CDC42BPA: variants seen among roughly 807,000 people sequenced by gnomAD.
CDC42BPA encodes CDC42 binding protein kinase alpha, also known as serine/threonine-protein kinase MRCK alpha.
A neutral mutation model predicts 223.5 loss-of-function variants in CDC42BPA; 80 were observed. The ratio of observed to expected loss-of-function variants is 0.36; its 90% CI spans 0.30 to 0.43. CDC42BPA has a LOEUF of 0.43. CDC42BPA is among the 20% of genes least tolerant of loss of function. The probability of loss-of-function intolerance (pLI) is 1.00; values close to 1 mark genes in which losing one functional copy is unlikely to be tolerated. For missense variants in CDC42BPA, 1,743 were observed against 2,099.9 expected (o/e 0.83, Z 3.32); for synonymous variants, 694 against 718.6 (o/e 0.97, Z 0.55).
chr1:227,114,444 C>A (rs1448549872), intron 12 of CDC42BPA, among the ~76,000 whole-genome samples: 5 of 140,112 alleles, frequency 3.6e-5, no homozygotes, highest in Non-Finnish European at 6.1e-5. Flanking sequence ...ACCAGTAAAG[C>A]TTTATTTCAG....
At chr1:227,008,478 C>A (rs1391556774) in intron 34 of CDC42BPA, among the ~76,000 whole-genome samples, 1 of 152,104 alleles carries the variant, frequency 6.6e-6, no homozygotes, top group Non-Finnish European at 1.5e-5. Context: ...ACTAATGTGG[C>A]TAAAAAATAT....
intron 2 of CDC42BPA, among the ~76,000 whole-genome samples, chr1:227,252,789 A>G (rs913179699): frequency 2.0e-5 from 3 of 152,256 alleles, no homozygotes; most frequent in South Asian, 2.1e-4. Flanking sequence ...GAGAAAAACC[A>G]TGAGTGTCCC....
At chr1:227,104,871 C>G (rs1420180105) in intron 14 of CDC42BPA, among the ~76,000 whole-genome samples, 1 of 152,082 alleles carries the variant, frequency 6.6e-6, no homozygotes, top group Non-Finnish European at 1.5e-5. Context: ...TTTTGAACTT[C>G]TAGCCTCCAG....
At chr1:227,082,919 T>G (rs919892932) in intron 16 of CDC42BPA, among the ~76,000 whole-genome samples, 2 of 152,140 alleles carry the variant, frequency 1.3e-5, no homozygotes, top group African/African-American at 4.8e-5. Context: ...AGTTTTCAGT[T>G]GAAGTTTCAT....
intron 2 of CDC42BPA, among the ~76,000 whole-genome samples, chr1:227,220,282 T>TTTTTTATATA (rs748787987): frequency 9.9e-6 from 1 of 100,900 alleles, no homozygotes; most frequent in Non-Finnish European, 1.9e-5. Flanking sequence ...AAAAGTCATG[T>TTTTTTATATA]TATATATATA....
intron 35 of CDC42BPA, 98 bp from the exon 36 acceptor site, chr1:226,995,078 C>T (rs1661345592): frequency 9.4e-7 from 1 of 1,059,498 alleles, no homozygotes; most frequent in Non-Finnish European, 1.4e-6. Context: ...CCTTTGCAGG[C>T]CCCAGACCAC....
In CDC42BPA at chr1:227,101,004, GT is replaced by G; in HGVS notation, c.2236del (p.Thr746ProfsTer27). 6.6e-7 allele frequency: 1 copy of G among 1,504,606 alleles called. No individual in the cohort carries two copies. The allele number at this position is 1,504,606 out of a possible 1,614,324, so 93.2% of individuals were successfully genotyped here. A position where few individuals can be genotyped will look rare whatever the true frequency, so the allele number is the denominator to read the frequency against. On this transcript the variant is annotated frameshift_variant, in exon 15 of 37. Transcript: ENST00000366766. LOFTEE classifies it high-confidence loss of function. ...IMILKDKLEK[T>X]RRESQSEREE... ...ATGTGATTCTTACCTTTCTCTTCTG[GT>G]TTTTTCCAATTTGTCTTTTAAAATC... is the stretch of plus-strand genomic sequence containing the variant.
chr1:227,263,559 A>G (rs1337574185), intron 1 of CDC42BPA, among the ~76,000 whole-genome samples: 1 of 151,294 alleles, frequency 6.6e-6, no homozygotes, highest in South Asian at 2.1e-4. Context: ...AACCTTGCTG[A>G]TATCTCATTA....
At chr1:227,156,628 G>GAC (rs1662870232) in intron 6 of CDC42BPA, among the ~76,000 whole-genome samples, 1 of 152,064 alleles carries the variant, frequency 6.6e-6, no homozygotes, top group African/African-American at 2.4e-5. Context: ...TGACTGGGAG[G>GAC]ACACACCAGA....
chr1:227,210,925 C>T (rs958029118), intron 3 of CDC42BPA, among the ~76,000 whole-genome samples: 3 of 152,128 alleles, frequency 2.0e-5, no homozygotes, highest in Admixed American at 1.3e-4. Flanking sequence ...CATTTTGATC[C>T]AATGTAGGAC....
chr1:227,243,344 T>G lies in CDC42BPA; in HGVS notation c.270+10720A>C, dbSNP rs114341361. On this transcript the variant is annotated intron_variant, in intron 2 of 36. Transcript: ENST00000366766. ...AAGAACTGTTTTTAAAAAAGACTTC[T>G]ACATTGAAAACTGTTTTTAAAAAAT... Among the ~76,000 whole-genome samples the G allele has an allele frequency of 3.8e-3, 574 of 152,336 alleles. 3 individuals carry two copies. Among genetic ancestry groups the G allele is most frequent in the African/African-American group, 0.013 (557 of 41,582 alleles).
chr1:227,018,127 G>T (rs1666673212), intron 32 of CDC42BPA, among the ~76,000 whole-genome samples: 1 of 151,756 alleles, frequency 6.6e-6, no homozygotes, highest in South Asian at 2.1e-4. Flanking sequence ...GCTCACTGCA[G>T]CCTCGACCTC....
intron 10 of CDC42BPA, among the ~76,000 whole-genome samples, chr1:227,134,568 T>C (rs899484130): frequency 1.3e-5 from 2 of 152,228 alleles, no homozygotes; most frequent in African/African-American, 2.4e-5. Flanking sequence ...CAAAACAGAA[T>C]GCAAACATAA....
chr1:227,207,547 G>A (rs1673015501), intron 3 of CDC42BPA, among the ~76,000 whole-genome samples: 1 of 121,984 alleles, frequency 8.2e-6, no homozygotes, highest in Admixed American at 1.1e-4. Flanking sequence ...CCCAGAATGT[G>A]ATATTCCCCT....
At chr1:227,163,985 C>A (rs1203345061) in intron 5 of CDC42BPA, among the ~76,000 whole-genome samples, 1 of 152,104 alleles carries the variant, frequency 6.6e-6, no homozygotes, top group Non-Finnish European at 1.5e-5. Flanking sequence ...TTATCTAATA[C>A]CACATACGTC....
intron 17 of CDC42BPA, among the ~76,000 whole-genome samples, chr1:227,079,610 A>G (rs1680212518): frequency 6.6e-6 from 1 of 152,168 alleles, no homozygotes; most frequent in African/African-American, 2.4e-5. Flanking sequence ...ATATAGATAT[A>G]AATTAATGAA....
chr1:227,167,840 A>G (rs966728365), intron 5 of CDC42BPA, among the ~76,000 whole-genome samples: 3 of 152,180 alleles, frequency 2.0e-5, no homozygotes, highest in Non-Finnish European at 2.9e-5. Context: ...CTGCAGATCC[A>G]AGCTTTCATG....
chr1:227,044,103 G>A (rs1338118238), intron 23 of CDC42BPA, among the ~76,000 whole-genome samples: 1 of 149,286 alleles, frequency 6.7e-6, no homozygotes, highest in African/African-American at 2.4e-5. Context: ...GATTAATGAA[G>A]TTGGACATTT....
intron 14 of CDC42BPA, among the ~76,000 whole-genome samples, chr1:227,108,166 C>T (rs1265042530): frequency 6.6e-6 from 1 of 151,982 alleles, no homozygotes; most frequent in Non-Finnish European, 1.5e-5. Context: ...TTTCTAGTAC[C>T]TTAAGATATA....
Sources: gnomAD v4.1 joint callset for allele counts (sites outside exome capture counted in the v4.1 genomes callset) on GRCh38, gnomAD v4.1.1 for gene constraint, MANE v1.5 for transcripts, NCBI Gene and HGNC (gene_info 2026-07-23, HGNC 2026-07-21) for gene names.